Variants in PIP4K2A observed in about 807,000 individuals in gnomAD.
The protein encoded by PIP4K2A is phosphatidylinositol-5-phosphate 4-kinase type 2 alpha.
In PIP4K2A, 14 loss-of-function variants were observed where a neutral mutation model predicts 42.9. The observed-to-expected ratio is 0.33, with a 90% CI of 0.22 to 0.51. The LOEUF (loss-of-function observed/expected upper bound fraction) is 0.51. Among genes scored for constraint, PIP4K2A ranks in the 20% least tolerant of loss-of-function variants. The pLI is 0.97. For synonymous variants in PIP4K2A, 192 were observed against 192.2 expected, an observed-to-expected ratio of 1.00 and a Z score of 0.01; for missense variants, 434 against 519.8, an observed-to-expected ratio of 0.83 and a Z score of 1.61.
At position 22,591,764 on chromosome 10, in the gene PIP4K2A, G is replaced by A. The variant is rs529609009; in HGVS notation, c.357C>T (p.Ser119=). The A allele has an allele frequency of 7.4e-6, 12 of 1,610,884 alleles. No homozygotes were observed. Among genetic ancestry groups the A allele is most frequent in the African/African-American group, 4.0e-5 (3 of 74,944 alleles). The change falls in exon 4 of 10, where the codon AGC becomes AGT. Residue 119 remains serine (S), a synonymous_variant. Coordinates refer to ENST00000376573, the MANE Select transcript of PIP4K2A (RefSeq NM_005028.5). ...DQDFQNSLTR[S]APLPNDSQAR... ...CCTGGGAGTCGTTGGGGAGGGGTGC[G>A]CTCCTGGTCAGGGAATTCTTCCCGG...
intron 4 of PIP4K2A, among the ~76,000 whole-genome samples, chr10:22,587,131 C>G (rs982188177): frequency 1.3e-5 from 2 of 152,134 alleles, no homozygotes; most frequent in Non-Finnish European, 2.9e-5. Context: ...ATTCAAATAA[C>G]TAGCCATGTT....
intron 1 of PIP4K2A, among the ~76,000 whole-genome samples, chr10:22,683,693 T>A (rs916168662): frequency 4.6e-5 from 7 of 152,116 alleles, no homozygotes; most frequent in African/African-American, 1.4e-4. Flanking sequence ...CACGTGTTTA[T>A]CATGGTTTTT....
intron 7 of PIP4K2A, among the ~76,000 whole-genome samples, chr10:22,548,396 T>C (rs1836307543): frequency 6.6e-6 from 1 of 152,198 alleles, no homozygotes; most frequent in South Asian, 2.1e-4. Context: ...TTTGAACTGC[T>C]TGAATTACAT....
Position 22,607,907 on chromosome 10 carries a change from A to G in PIP4K2A, c.339+20T>C, listed in dbSNP as rs891567384. The G allele has an allele frequency of 4.5e-6, 7 of 1,545,984 alleles. No homozygotes were observed. Among genetic ancestry groups the G allele is most frequent in the Non-Finnish European group, 6.3e-6 (7 of 1,118,870 alleles). On this transcript the variant is annotated intron_variant, in intron 3 of 9. Coordinates refer to ENST00000376573, the MANE Select transcript of PIP4K2A (RefSeq NM_005028.5). Reference sequence around the variant, plus strand: ...AAAACCCATTTCCTACTGGAAGCAAATGTTACAAACGCAACTCACCTGGAA... The same window carrying G: ...AAAACCCATTTCCTACTGGAAGCAAGTGTTACAAACGCAACTCACCTGGAA...
chr10:22,644,473 T>A (rs961459684), intron 1 of PIP4K2A, among the ~76,000 whole-genome samples: 2 of 152,114 alleles, frequency 1.3e-5, no homozygotes, highest in Non-Finnish European at 2.9e-5. Flanking sequence ...CCTCTACAAG[T>A]CCTCACCTTG....
rs1477793996 is a variant in PIP4K2A at position 22,662,496 on chromosome 10, G to A, written c.144+51687C>T. Among the ~76,000 whole-genome samples, 4 of 152,200 alleles carry A rather than the reference G, an allele frequency of 2.6e-5. No homozygotes were observed. In the East Asian group the frequency reaches 5.8e-4, roughly 22 times the overall value. On this transcript the variant is annotated intron_variant, in intron 1 of 9. Coordinates refer to ENST00000376573, the MANE Select transcript of PIP4K2A (RefSeq NM_005028.5). ...TATTTGTGCGTACGACAATAGATTT[G>A]ATTGAAAACGTTTTGCACATAATTA...
chr10:22,554,968 A>C (rs1836499290), intron 6 of PIP4K2A, among the ~76,000 whole-genome samples: 2 of 152,152 alleles, frequency 1.3e-5, no homozygotes, highest in Non-Finnish European at 2.9e-5. Context: ...TGCATGAGGT[A>C]ATCTGCTGCG....
chr10:22,640,519 C>A (rs1838759782), intron 1 of PIP4K2A, among the ~76,000 whole-genome samples: 1 of 152,126 alleles, frequency 6.6e-6, no homozygotes, highest in African/African-American at 2.4e-5. Context: ...GACCCACCGC[C>A]CCACAAAGGG....
intron 1 of PIP4K2A, among the ~76,000 whole-genome samples, chr10:22,711,361 A>G (rs1339161259): frequency 1.3e-5 from 2 of 152,252 alleles, no homozygotes; most frequent in Non-Finnish European, 2.9e-5. Context: ...ACAGTCTCTT[A>G]AAATCACCAT....
intron 3 of PIP4K2A, among the ~76,000 whole-genome samples, chr10:22,603,661 C>T (rs1837844277): frequency 6.6e-6 from 1 of 152,150 alleles, no homozygotes; most frequent in Non-Finnish European, 1.5e-5. Context: ...AGCACAGAGC[C>T]TGACATGTGG....
intron 1 of PIP4K2A, among the ~76,000 whole-genome samples, chr10:22,668,242 G>T (rs868399715): frequency 6.6e-6 from 1 of 152,106 alleles, no homozygotes; most frequent in East Asian, 1.9e-4. Flanking sequence ...GAGCCACCAC[G>T]CCCAATCTTA....
chr10:22,634,147 G>A (rs1838612090), intron 1 of PIP4K2A, among the ~76,000 whole-genome samples: 1 of 152,202 alleles, frequency 6.6e-6, no homozygotes, highest in Non-Finnish European at 1.5e-5. Context: ...GAGAGGCAAT[G>A]CCACCCTGAG....
chr10:22,568,401 C>T (rs113044656), intron 5 of PIP4K2A, among the ~76,000 whole-genome samples: 1 of 81,872 alleles, frequency 1.2e-5, no homozygotes, highest in Non-Finnish European at 2.4e-5. Context: ...ATTGTTTTCT[C>T]CCGTCTTAAG....
chr10:22,648,512 T>C (rs1014798603), intron 1 of PIP4K2A, among the ~76,000 whole-genome samples: 7 of 152,240 alleles, frequency 4.6e-5, no homozygotes, highest in African/African-American at 1.4e-4. Flanking sequence ...ATGAATATTT[T>C]GCCTTTTCCA....
At chr10:22,675,323 C>T (rs181378603) in intron 1 of PIP4K2A, among the ~76,000 whole-genome samples, 163 of 152,274 alleles carry the variant, frequency 1.1e-3, no homozygotes, top group Middle Eastern at 3.4e-3. Context: ...CACGGTGGCT[C>T]ACACCTGTAA....
intron 1 of PIP4K2A, among the ~76,000 whole-genome samples, chr10:22,698,373 C>A (rs940993345): frequency 1.3e-5 from 2 of 152,170 alleles, no homozygotes; most frequent in Non-Finnish European, 2.9e-5. Flanking sequence ...TCTGGTATAA[C>A]CCTTTTTGAA....
At chr10:22,675,027 C>T (rs957721651) in intron 1 of PIP4K2A, among the ~76,000 whole-genome samples, 4 of 151,962 alleles carry the variant, frequency 2.6e-5, no homozygotes, top group East Asian at 3.9e-4. Context: ...AGGTAGCCAA[C>T]GTAACTATTA....
rs536440835 is a variant in PIP4K2A at position 22,541,104 on chromosome 10, A to C, written c.1036+700T>G. ...TGGTATTGTCACGGATAAGTTGCTA[A>C]GGTAGGATGTAATATTCAAATAACT... On this transcript the variant is annotated intron_variant, in intron 8 of 9. Coordinates refer to ENST00000376573, the MANE Select transcript of PIP4K2A (RefSeq NM_005028.5). Among the ~76,000 whole-genome samples the C allele has an allele frequency of 6.6e-5, 10 of 152,352 alleles. No homozygotes were observed. In the East Asian group the frequency reaches 1.9e-3, roughly 29 times the overall value.
At chr10:22,702,779 G>A (rs1040367349) in intron 1 of PIP4K2A, among the ~76,000 whole-genome samples, 18 of 152,062 alleles carry the variant, frequency 1.2e-4, no homozygotes, top group African/African-American at 4.3e-4. Flanking sequence ...TACCACCTGA[G>A]AACTAATGGC....
Sources: allele counts gnomAD v4.1 joint callset (sites outside exome capture counted in the v4.1 genomes callset), GRCh38; gene constraint gnomAD v4.1.1; transcripts MANE v1.5; gene names NCBI Gene and HGNC (gene_info 2026-07-23, HGNC 2026-07-21).